The following SARM1 variants were observed in gnomAD, a reference collection of about 807,000 sequenced individuals.
SARM1 encodes sterile alpha and TIR motif containing 1.
A neutral mutation model predicts 65.1 loss-of-function variants in SARM1; 60 were observed. That is an observed-to-expected ratio of 0.92 (90% CI 0.75 to 1.14). SARM1 has a LOEUF of 1.14. Among genes scored for constraint, SARM1 ranks in the 50% most tolerant of loss-of-function variants. The pLI, the probability that SARM1 is intolerant of heterozygous loss-of-function variation, is 0.00. For missense variants in SARM1, 913 were observed against 1,015.7 expected (o/e 0.90, Z 1.37); for synonymous variants, 417 against 465.4 (o/e 0.90, Z 1.34).
rs782155689 is a variant in SARM1 at position 28,384,486 on chromosome 17, C to A, written c.1219C>A (p.Pro407Thr). 1 of 1,613,708 alleles carries A rather than the reference C, an allele frequency of 6.2e-7. No individual in the cohort carries two copies. The highest frequency in any genetic ancestry group is 1.1e-5 in the South Asian group (1 of 91,064). The change falls in exon 3 of 9, where the codon CCC (proline) becomes ACC (threonine). Residue 407 changes from proline to threonine, a missense_variant. Coordinates refer to ENST00000585482, the MANE Select transcript of SARM1 (RefSeq NM_015077.4). The surrounding 1 kb of genome is among the most constrained non-coding windows in gnomAD (Gnocchi z 4.4). ...LGEEVPRPILPSVPSWKEAEV... is the reference protein window; with the variant it reads ...LGEEVPRPILTSVPSWKEAEV... ...CGAGGAGGTGCCACGGCCCATCCTG[C>A]CCTCCGTGCCCAGCTGGAAGGAGGC...
chr17:28,387,329 T>C (rs1345953914), intron 5 of SARM1, among the ~76,000 whole-genome samples: 1 of 151,550 alleles, frequency 6.6e-6, no homozygotes, highest in Admixed American at 6.6e-5. Flanking sequence ...GCCTCCTGGG[T>C]TCAAGTGATT....
intron 7 of SARM1, among the ~76,000 whole-genome samples, chr17:28,393,164 G>C (rs540998623): frequency 6.6e-6 from 1 of 152,312 alleles, no homozygotes; most frequent in East Asian, 1.9e-4. Context: ...TGCATGCAAA[G>C]CACTGTTCTA....
At chr17:28,390,164 G>A (rs2068073056) in intron 7 of SARM1, among the ~76,000 whole-genome samples, 1 of 152,092 alleles carries the variant, frequency 6.6e-6, no homozygotes, top group African/African-American at 2.4e-5. Flanking sequence ...CTCAAAGCAG[G>A]GGCTTCCAGG....
At chr17:28,387,222 T>C (rs927858409) in intron 5 of SARM1, among the ~76,000 whole-genome samples, 1 of 151,564 alleles carries the variant, frequency 6.6e-6, no homozygotes, top group Non-Finnish European at 1.5e-5. Flanking sequence ...AATTCTTTTC[T>C]TTTCTTTTCT....
rs2067958578 is a variant in SARM1 at position 28,372,073 on chromosome 17, GCTT to G, written c.46_48del (p.Phe16del). On this transcript the variant is annotated inframe_deletion, in exon 1 of 9. Coordinates refer to ENST00000585482, the MANE Select transcript of SARM1 (RefSeq NM_015077.4). The surrounding 1 kb of genome is among the most constrained non-coding windows in gnomAD (Gnocchi z 5.2). Reference sequence around the variant, plus strand: ...CTTCTCTCCGCCTACAAGCTGTGTCGCTTCTTCGCCATGTCGGGCCCACGGCCG... The same window carrying G: ...CTTCTCTCCGCCTACAAGCTGTGTCGCTTCGCCATGTCGGGCCCACGGCCG... 6.7e-7 allele frequency: 1 copy of G among 1,500,650 alleles called. No homozygotes were observed. Among genetic ancestry groups the G allele is most frequent in the Admixed American group, 2.1e-5 (1 of 47,916 alleles). 93.0% of individuals were successfully genotyped at this position (1,500,650 alleles called of 1,614,324 possible). A position where few individuals can be genotyped will look rare whatever the true frequency, so the allele number is the denominator to read the frequency against.
intron 7 of SARM1, 55 bp from the exon 8 acceptor site, chr17:28,395,850 C>T: frequency 1.9e-6 from 3 of 1,604,184 alleles, no homozygotes; most frequent in Admixed American, 3.3e-5. Flanking sequence ...TGCCTGGCTA[C>T]AAGGGTCCCT....
In SARM1 at chr17:28,393,835, G is replaced by T. The variant is rs555708945; in HGVS notation, c.1924-2070G>T. 4.9e-4 allele frequency among the ~76,000 whole-genome samples: 74 copies of T among 152,326 alleles called. 1 individual carries two copies. The highest frequency in any genetic ancestry group is 1.7e-3 in the African/African-American group (70 of 41,564). On this transcript the variant is annotated intron_variant, in intron 7 of 8. Coordinates refer to ENST00000585482, the MANE Select transcript of SARM1 (RefSeq NM_015077.4). ...ATGATCCCTCCTCATGTCTGGCAGA[G>T]AAGACAAATACTGAGTAATTTACCC...
chr17:28,381,865 C>A, intron 2 of SARM1, 44 bp downstream of exon 2: 1 of 1,391,730 alleles, frequency 7.2e-7, no homozygotes, highest in Non-Finnish European at 9.3e-7. Flanking sequence ...GTTAGAGAGC[C>A]TTTGGGAAGG....
In SARM1 at chr17:28,372,371, C is replaced by G; in HGVS notation, c.339C>G (p.Ala113=). The G allele has an allele frequency of 6.6e-7, 1 of 1,522,408 alleles. No homozygotes were observed. The highest frequency in any genetic ancestry group is 2.6e-5 in the East Asian group (1 of 39,064). 94.3% of individuals were successfully genotyped at this position (1,522,408 alleles called of 1,614,324 possible). ...TGCCGGCCGTGGGCCGCGAGGTAGC[C>G]CAGGGTCTGTGCGACGCCATCCGCC... is the stretch of plus-strand genomic sequence containing the variant. ...WLLPAVGREV[A]QGLCDAIRLD... is the part of the protein sequence containing the mutation. Residue 113 remains alanine (A), a synonymous_variant, in exon 1 of 9, where the codon GCC becomes GCG. Coordinates refer to ENST00000585482, the MANE Select transcript of SARM1 (RefSeq NM_015077.4). This position sits in a 1 kb window ranked among gnomAD's most constrained non-coding sequence, Gnocchi z 5.2.
chr17:28,376,715 C>T (rs2067991587), intron 1 of SARM1, among the ~76,000 whole-genome samples: 1 of 152,204 alleles, frequency 6.6e-6, no homozygotes, highest in Admixed American at 6.5e-5. Context: ...AGCAATCCTA[C>T]TGCCTTGGCC....
In SARM1 at chr17:28,384,751, C is replaced by A; in HGVS notation, c.1303-88C>A. The stretch of plus-strand genomic sequence containing the variant: ...CTAGGTCCCATCCGCCTCCTCCACG[C>A]CATCTCCAGTTCCTTCCCTTGCATC... On this transcript the variant is annotated intron_variant, in intron 3 of 8. Coordinates refer to ENST00000585482, the MANE Select transcript of SARM1 (RefSeq NM_015077.4). This position sits in a 1 kb window ranked among gnomAD's most constrained non-coding sequence, Gnocchi z 4.4. 7.5e-7 allele frequency: 1 copy of A among 1,329,864 alleles called. No homozygotes were observed. Among genetic ancestry groups the A allele is most frequent in the Non-Finnish European group, 1.1e-6 (1 of 947,584 alleles). The allele number at this position is 1,329,864 out of a possible 1,614,324, so 82.4% of individuals were successfully genotyped here. A position where few individuals can be genotyped will look rare whatever the true frequency, so the allele number is the denominator to read the frequency against.
In SARM1 at chr17:28,399,203, G is replaced by T; in HGVS notation, c.*2917G>T. ...TCCTTCCCAAGGCTGGCACTAACCA[G>T]GTACCACATTCATTGTTAAGGAATG... On this transcript the variant is annotated 3_prime_UTR_variant, in exon 9 of 9. Coordinates refer to ENST00000585482, the MANE Select transcript of SARM1 (RefSeq NM_015077.4). The T allele has an allele frequency of 6.1e-6, 1 of 163,794 alleles. No homozygotes were observed. Among genetic ancestry groups the T allele is most frequent in the Non-Finnish European group, 1.3e-5 (1 of 74,752 alleles). 10.1% of individuals were successfully genotyped at this position (163,794 alleles called of 1,614,324 possible).
Position 28,396,979 on chromosome 17 carries a change from G to T in SARM1, c.*693G>T, listed in dbSNP as rs1261842721. ...TGCAGCCAGCTTTGCTGCACTTGCT[G>T]GTGCACAGGAGCCTCCTGTTTGGGC... On this transcript the variant is annotated 3_prime_UTR_variant, in exon 9 of 9. Coordinates refer to ENST00000585482, the MANE Select transcript of SARM1 (RefSeq NM_015077.4). The T allele has an allele frequency of 6.6e-6, 1 of 152,432 alleles. No homozygotes were observed. The highest frequency in any genetic ancestry group is 2.4e-5 in the African/African-American group (1 of 41,462). 9.4% of individuals were successfully genotyped at this position (152,432 alleles called of 1,614,324 possible). A position where few individuals can be genotyped will look rare whatever the true frequency, so the allele number is the denominator to read the frequency against.
In SARM1 at chr17:28,400,840, C is replaced by T; in HGVS notation, c.*4554C>T. On this transcript the variant is annotated 3_prime_UTR_variant, in exon 9 of 9. Coordinates refer to ENST00000585482, the MANE Select transcript of SARM1 (RefSeq NM_015077.4). The stretch of plus-strand genomic sequence containing the variant: ...CAACTCTGGCACCACCACCTCACAG[C>T]TGTGTGACCGGGAGTAGTCACTTAA... 7.2e-7 allele frequency: 1 copy of T among 1,388,076 alleles called. No individual in the cohort carries two copies. The allele number at this position is 1,388,076 out of a possible 1,614,324, so 86.0% of individuals were successfully genotyped here. A position where few individuals can be genotyped will look rare whatever the true frequency, so the allele number is the denominator to read the frequency against.
chr17:28,387,928 G>T, intron 5 of SARM1: 2 of 537,562 alleles, frequency 3.7e-6, no homozygotes, highest in Non-Finnish European at 6.7e-6. Flanking sequence ...CCAGAGAGAG[G>T]TCAGGGCTGG....
chr17:28,381,822 G>C lies in SARM1; in HGVS notation c.1089+1G>C. On this transcript the variant is annotated splice_donor_variant, in intron 2 of 8. Transcript: ENST00000585482. LOFTEE classifies it high-confidence loss of function. Reference sequence around the variant, plus strand: ...CAAGAGCCTGCAAGGCAAGACCAAGGTGGGTGCAGATGTGGGGTTGGGTGG... The same window carrying C: ...CAAGAGCCTGCAAGGCAAGACCAAGCTGGGTGCAGATGTGGGGTTGGGTGG... 4 of 1,443,528 alleles carry C rather than the reference G, an allele frequency of 2.8e-6. No individual in the cohort carries two copies. The highest frequency in any genetic ancestry group is 3.6e-6 in the Non-Finnish European group (4 of 1,098,088). 89.4% of individuals were successfully genotyped at this position (1,443,528 alleles called of 1,614,324 possible).
At chr17:28,382,845 C>A (rs55946155) in intron 2 of SARM1, among the ~76,000 whole-genome samples, 31 of 152,328 alleles carry the variant, frequency 2.0e-4, no homozygotes, top group Middle Eastern at 3.4e-3. Context: ...CACCACAATC[C>A]CCCAGCTGGG....
Position 28,400,898 on chromosome 17 carries a change from G to A in SARM1, c.*4612G>A. On this transcript the variant is annotated 3_prime_UTR_variant, in exon 9 of 9. Coordinates refer to ENST00000585482, the MANE Select transcript of SARM1 (RefSeq NM_015077.4). ...CTCCCCTTCCTCACCAGTAAATCCT[G>A]CTACATCATGTACTGTGACAAGGAT... is the stretch of plus-strand genomic sequence containing the variant. 1.3e-6 allele frequency: 1 copy of A among 789,482 alleles called. No individual in the cohort carries two copies. Among genetic ancestry groups the A allele is most frequent in the Non-Finnish European group, 2.1e-6 (1 of 466,732 alleles). The allele number at this position is 789,482 out of a possible 1,614,324, so 48.9% of individuals were successfully genotyped here.
Position 28,385,303 on chromosome 17 carries a change from C to A in SARM1, c.1630+28C>A. ...CAGCCCGCTCACCCGGGACCCCGCC[C>A]CAGCCCCAGCCCCAGCCACGGCCCT... On this transcript the variant is annotated intron_variant, in intron 5 of 8. Coordinates refer to ENST00000585482, the MANE Select transcript of SARM1 (RefSeq NM_015077.4). The surrounding 1 kb of genome is among the most constrained non-coding windows in gnomAD (Gnocchi z 4.5). 1 of 1,446,342 alleles carries A rather than the reference C, an allele frequency of 6.9e-7. No individual in the cohort carries two copies. The highest frequency in any genetic ancestry group is 9.2e-7 in the Non-Finnish European group (1 of 1,085,144). 89.6% of individuals were successfully genotyped at this position (1,446,342 alleles called of 1,614,324 possible).
Sources: allele counts gnomAD v4.1 joint callset (sites outside exome capture counted in the v4.1 genomes callset), GRCh38; gene constraint gnomAD v4.1.1; non-coding constraint Gnocchi (gnomAD v3.1); transcripts MANE v1.5; gene names NCBI Gene and HGNC (gene_info 2026-07-23, HGNC 2026-07-21).